NBEA: variants seen among roughly 807,000 people sequenced by gnomAD.
The protein encoded by NBEA is lysosomal-trafficking regulator 2.
In NBEA, 44 loss-of-function variants were observed where a neutral mutation model predicts 343.4. The ratio of observed to expected loss-of-function variants is 0.13; its 90% CI spans 0.10 to 0.16. The LOEUF is 0.16. NBEA is among the 10% of genes least tolerant of loss of function. The pLI is 1.00. For synonymous variants in NBEA, 1,175 were observed against 1,238.7 expected, an observed-to-expected ratio of 0.95 and a Z score of 1.08; for missense variants, 2,555 against 3,631.3, an observed-to-expected ratio of 0.70 and a Z score of 7.62.
At chr13:35,117,361 C>A in intron 13 of NBEA, 53 bp from the exon 14 acceptor site, 1 of 896,086 alleles carries the variant, frequency 1.1e-6, no homozygotes, top group Non-Finnish European at 1.5e-6. Flanking sequence ...TTGCATTTAG[C>A]TAATTTAATA....
intron 44 of NBEA, among the ~76,000 whole-genome samples, chr13:35,563,392 C>G (rs1381924587): frequency 6.6e-6 from 1 of 151,492 alleles, no homozygotes; most frequent in Non-Finnish European, 1.5e-5. Context: ...TATTTTTTTT[C>G]ATTTCACAAA....
chr13:35,417,996 G>A (rs150826189), intron 38 of NBEA, among the ~76,000 whole-genome samples: 4,509 of 152,200 alleles, frequency 0.03, 105 homozygotes, highest in Non-Finnish European at 0.045. Context: ...ATTATGTAAT[G>A]ACCTTCTTTG....
chr13:35,454,291 A>T (rs1369497833), intron 40 of NBEA, among the ~76,000 whole-genome samples: 1 of 152,228 alleles, frequency 6.6e-6, no homozygotes, highest in Non-Finnish European at 1.5e-5. Context: ...CTAACATAAT[A>T]GTTACAATGT....
intron 1 of NBEA, among the ~76,000 whole-genome samples, chr13:35,002,798 T>A (rs751188648): frequency 1.3e-5 from 2 of 152,168 alleles, no homozygotes; most frequent in Non-Finnish European, 2.9e-5. Context: ...TTGGAGTGCA[T>A]TTTTTGCATC....
At chr13:35,352,555 T>C (rs141620443) in intron 38 of NBEA, among the ~76,000 whole-genome samples, 1 of 152,078 alleles carries the variant, frequency 6.6e-6, no homozygotes, top group African/African-American at 2.4e-5. Flanking sequence ...TATAATAATA[T>C]GCAACATAAT....
intron 38 of NBEA, among the ~76,000 whole-genome samples, chr13:35,358,586 C>T (rs573566087): frequency 4.0e-4 from 61 of 151,752 alleles, no homozygotes; most frequent in African/African-American, 1.3e-3. Flanking sequence ...GGCATGGTGG[C>T]GTGTGCCTGT....
intron 1 of NBEA, among the ~76,000 whole-genome samples, chr13:34,970,712 G>T (rs1448890727): frequency 6.6e-6 from 1 of 151,846 alleles, no homozygotes; most frequent in Non-Finnish European, 1.5e-5. Flanking sequence ...ATATTTCTGG[G>T]TTCTTTTTTC....
intron 38 of NBEA, among the ~76,000 whole-genome samples, chr13:35,406,465 CT>C (rs1009841624): frequency 6.6e-6 from 1 of 152,100 alleles, no homozygotes; most frequent in Non-Finnish European, 1.5e-5. Context: ...CCCTCCCACC[CT>C]TTCTTTGAGT....
chr13:35,021,037 A>G (rs1429580509), intron 1 of NBEA, among the ~76,000 whole-genome samples: 1 of 152,066 alleles, frequency 6.6e-6, no homozygotes, highest in African/African-American at 2.4e-5. Context: ...TTTTCTTCAT[A>G]TGAGAAGCAT....
At chr13:35,518,739 G>A (rs2077580290) in intron 41 of NBEA, among the ~76,000 whole-genome samples, 3 of 152,178 alleles carry the variant, frequency 2.0e-5, no homozygotes, top group South Asian at 2.1e-4. Context: ...TGCCCTACTT[G>A]CTAGCAGCAG....
chr13:35,433,616 G>T (rs1348956641), intron 39 of NBEA, among the ~76,000 whole-genome samples: 1 of 151,804 alleles, frequency 6.6e-6, no homozygotes. Context: ...AATAGATAAG[G>T]ATTTCATATG....
At chr13:35,478,139 G>T (rs563181116) in intron 41 of NBEA, among the ~76,000 whole-genome samples, 49 of 152,258 alleles carry the variant, frequency 3.2e-4, no homozygotes, top group African/African-American at 1.1e-3. Context: ...TGCTACTTAA[G>T]CTTTTGATTT....
chr13:35,176,629 A>G (rs1278711662), intron 27 of NBEA, among the ~76,000 whole-genome samples: 3 of 152,038 alleles, frequency 2.0e-5, no homozygotes, highest in African/African-American at 2.4e-5. Context: ...ATAATCTCAT[A>G]TATTATAAAA....
chr13:35,658,540 T>C (rs1008359505), intron 55 of NBEA, among the ~76,000 whole-genome samples: 1 of 152,154 alleles, frequency 6.6e-6, no homozygotes, highest in African/African-American at 2.4e-5. Context: ...CCTCTGACTT[T>C]CTAGAGTTTA....
At chr13:35,366,108 A>G (rs931372986) in intron 38 of NBEA, among the ~76,000 whole-genome samples, 1 of 151,624 alleles carries the variant, frequency 6.6e-6, no homozygotes, top group Admixed American at 6.6e-5. Context: ...CCTTTGGAAT[A>G]TAGAGAAGTG....
chr13:35,221,273 G>A (rs547710872), intron 33 of NBEA, among the ~76,000 whole-genome samples: 9 of 152,008 alleles, frequency 5.9e-5, no homozygotes, highest in African/African-American at 2.2e-4. Flanking sequence ...GAACCCAGGA[G>A]GCCAAGGTTG....
chr13:35,231,434 T>C (rs1169917146), intron 33 of NBEA, among the ~76,000 whole-genome samples: 1 of 152,168 alleles, frequency 6.6e-6, no homozygotes, highest in Admixed American at 6.6e-5. Flanking sequence ...TTACCTGGCA[T>C]TGTGGCAGAC....
chr13:34,964,064 T>A (rs1489871856), intron 1 of NBEA, among the ~76,000 whole-genome samples: 1 of 152,006 alleles, frequency 6.6e-6, no homozygotes, highest in Admixed American at 6.6e-5. Flanking sequence ...TAAATTAAGC[T>A]TCAGACACAG....
intron 38 of NBEA, among the ~76,000 whole-genome samples, chr13:35,357,494 A>G (rs1283533245): frequency 2.0e-5 from 3 of 151,706 alleles, no homozygotes; most frequent in Non-Finnish European, 4.4e-5. Flanking sequence ...GTTCCCCTCT[A>G]TATGTCCATG....
Sources: allele counts gnomAD v4.1 joint callset (sites outside exome capture counted in the v4.1 genomes callset), GRCh38; gene constraint gnomAD v4.1.1; transcripts MANE v1.5; gene names NCBI Gene and HGNC (gene_info 2026-07-23, HGNC 2026-07-21).